Variants in OSBPL3 observed in about 807,000 individuals in gnomAD.
The protein encoded by OSBPL3 is oxysterol-binding protein-related protein 3.
OSBPL3 carries 65 observed loss-of-function variants against 120.1 expected under a neutral mutation model. That is an observed-to-expected ratio of 0.54 (90% CI 0.44 to 0.67). The LOEUF (loss-of-function observed/expected upper bound fraction) is 0.67, where lower values mean the gene tolerates loss of function less well. OSBPL3 is among the 30% of genes least tolerant of loss of function. The pLI, the probability that OSBPL3 is intolerant of heterozygous loss-of-function variation, is 0.00. For missense variants in OSBPL3, 1,004 were observed against 1,082.1 expected (o/e 0.93, Z 1.01); for synonymous variants, 416 against 402.6 (o/e 1.03, Z -0.40).
intron 1 of OSBPL3, among the ~76,000 whole-genome samples, chr7:24,923,633 T>C (rs1810681890): frequency 6.6e-6 from 1 of 151,332 alleles, no homozygotes; most frequent in African/African-American, 2.4e-5. Flanking sequence ...AAATACAGAG[T>C]GTGAGGCACA....
chr7:24,940,828 T>TTTTG lies in OSBPL3; in HGVS notation c.-150+39057_-150+39058insCAAA, dbSNP rs1554412107. On this transcript the variant is annotated intron_variant, in intron 1 of 22. Coordinates refer to ENST00000313367, the MANE Select transcript of OSBPL3 (RefSeq NM_015550.4). This position sits in a 1 kb window ranked among gnomAD's most constrained non-coding sequence, Gnocchi z 4.4. The stretch of plus-strand genomic sequence containing the variant: ...TTCTTCCTTTTTTTTCTTTTTTTTT[T>TTTTG]TGTGTGTGTGTGACGGAGTCTCGCT... 1.3e-5 allele frequency among the ~76,000 whole-genome samples: 2 copies of TTTTG among 150,972 alleles called. No homozygotes were observed. Among genetic ancestry groups the TTTTG allele is most frequent in the African/African-American group, 2.4e-5 (1 of 41,126 alleles).
rs1389821196 is a variant in OSBPL3, at chr7:24,830,688, G to C, written c.1884+80C>G. On this transcript the variant is annotated intron_variant, in intron 16 of 22. Coordinates refer to ENST00000313367, the MANE Select transcript of OSBPL3 (RefSeq NM_015550.4). The surrounding 1 kb of genome is among the most constrained non-coding windows in gnomAD (Gnocchi z 4.4). ...GCTGCTTTGAAGCCAGTGAAAGGTG[G>C]AAGATAAATATTTCAGAAGCACATT... 4.6e-6 allele frequency: 6 copies of C among 1,309,748 alleles called. No homozygotes were observed. Among genetic ancestry groups the C allele is most frequent in the South Asian group, 1.4e-5 (1 of 70,550 alleles). The allele number at this position is 1,309,748 out of a possible 1,614,324, so 81.1% of individuals were successfully genotyped here. A position where few individuals can be genotyped will look rare whatever the true frequency, so the allele number is the denominator to read the frequency against.
At chr7:24,977,890 C>G (rs1817766556) in intron 1 of OSBPL3, among the ~76,000 whole-genome samples, 1 of 152,222 alleles carries the variant, frequency 6.6e-6, no homozygotes, top group African/African-American at 2.4e-5. Context: ...TTACAGCTTA[C>G]TGCAGCCTGG....
upstream of OSBPL3, among the ~76,000 whole-genome samples, chr7:24,981,125 A>C (rs1244916837): frequency 1.3e-5 from 2 of 152,172 alleles, no homozygotes; most frequent in East Asian, 1.9e-4. The surrounding 1 kb of genome is among the most constrained non-coding windows in gnomAD (Gnocchi z 7.3). Context: ...TTTTTGTGGA[A>C]AGACAGACAA....
intron 6 of OSBPL3, among the ~76,000 whole-genome samples, 198 bp downstream of exon 6, chr7:24,865,872 C>G (rs1035900227): frequency 6.6e-6 from 1 of 152,022 alleles, no homozygotes; most frequent in Non-Finnish European, 1.5e-5. Context: ...AGTCACTGTC[C>G]GCCCCCGCCC....
At position 24,877,726 on chromosome 7, in the gene OSBPL3, G is replaced by A. The variant is rs902941060; in HGVS notation, c.97-5657C>T. Among the ~76,000 whole-genome samples the A allele has an allele frequency of 1.3e-5, 2 of 152,150 alleles. No individual in the cohort carries two copies. The highest frequency in any genetic ancestry group is 4.1e-4 in the South Asian group (2 of 4,826). ...ACTCAGGACAGAAAACAAGAGGGAT[G>A]TTGGTTTCTCTTGGCTAAAGGAACC... On this transcript the variant is annotated intron_variant, in intron 2 of 22. Coordinates refer to ENST00000313367, the MANE Select transcript of OSBPL3 (RefSeq NM_015550.4). The surrounding 1 kb of genome is among the most constrained non-coding windows in gnomAD (Gnocchi z 4.8).
rs185040853 is a variant in OSBPL3, at chr7:24,946,956, C to A, written c.-150+32930G>T. On this transcript the variant is annotated intron_variant, in intron 1 of 22. Coordinates refer to ENST00000313367, the MANE Select transcript of OSBPL3 (RefSeq NM_015550.4). The surrounding 1 kb of genome is among the most constrained non-coding windows in gnomAD (Gnocchi z 4.3). ...ATAAAGGTTTGCTGTTTGGCTTGTG[C>A]TCAAAACGAAAAGGATAAGCATTAT... Among the ~76,000 whole-genome samples the A allele has an allele frequency of 5.3e-5, 8 of 152,190 alleles. No homozygotes were observed. Among genetic ancestry groups the A allele is most frequent in the Non-Finnish European group, 1.2e-4 (8 of 68,026 alleles).
rs1471882756 is a variant in OSBPL3, at chr7:24,806,695, T to G, written c.2444+81A>C. 1.5e-6 allele frequency: 2 copies of G among 1,321,144 alleles called. No homozygotes were observed. The highest frequency in any genetic ancestry group is 2.1e-6 in the Non-Finnish European group (2 of 953,880). The allele number at this position is 1,321,144 out of a possible 1,614,324, so 81.8% of individuals were successfully genotyped here. ...ATTTTCCACCTTTCTCAGGTGCCTC[T>G]GGTGGCCTAAGGATTGTTAATAAGA... On this transcript the variant is annotated intron_variant, in intron 21 of 22. Coordinates refer to ENST00000313367, the MANE Select transcript of OSBPL3 (RefSeq NM_015550.4). This position sits in a 1 kb window ranked among gnomAD's most constrained non-coding sequence, Gnocchi z 5.2.
At chr7:24,919,706 T>C (rs905705427) in intron 1 of OSBPL3, among the ~76,000 whole-genome samples, 2 of 150,756 alleles carry the variant, frequency 1.3e-5, no homozygotes, top group Non-Finnish European at 3.0e-5. Context: ...CAAAGGGCAA[T>C]ATCAAGAAAA....
rs1813683819 is a variant in OSBPL3 at position 24,946,029 on chromosome 7, C to T, written c.-150+33857G>A. On this transcript the variant is annotated intron_variant, in intron 1 of 22. Transcript: ENST00000313367. This position sits in a 1 kb window ranked among gnomAD's most constrained non-coding sequence, Gnocchi z 4.3. The stretch of plus-strand genomic sequence containing the variant: ...CTCTCATTTGATGGCAATCAGATGC[C>T]AGGTGGGGCTGGAGCTAGGTGGGGC... 6.6e-6 allele frequency among the ~76,000 whole-genome samples: 1 copy of T among 152,118 alleles called. No individual in the cohort carries two copies. The highest frequency in any genetic ancestry group is 2.4e-5 in the African/African-American group (1 of 41,426).
intron 20 of OSBPL3, among the ~76,000 whole-genome samples, chr7:24,807,477 G>C (rs891436879): frequency 6.6e-5 from 10 of 151,734 alleles, no homozygotes; most frequent in African/African-American, 2.4e-4. Context: ...TGGGCGACAA[G>C]AGCGAAACTC....
Position 24,806,970 on chromosome 7 carries a change from CT to C in OSBPL3, c.2318-69del. On this transcript the variant is annotated intron_variant, in intron 20 of 22. Transcript: ENST00000313367. This position sits in a 1 kb window ranked among gnomAD's most constrained non-coding sequence, Gnocchi z 5.2. ...TTATGTTACATTTTAATTCCTTCAC[CT>C]TTTTCGTCTCAGCCTAGCTACAATT... 4.2e-6 allele frequency: 6 copies of C among 1,416,182 alleles called. No homozygotes were observed. The highest frequency in any genetic ancestry group is 4.8e-6 in the Non-Finnish European group (5 of 1,046,038). The allele number at this position is 1,416,182 out of a possible 1,614,324, so 87.7% of individuals were successfully genotyped here. A position where few individuals can be genotyped will look rare whatever the true frequency, so the allele number is the denominator to read the frequency against.
chr7:24,830,619 A>T lies in OSBPL3; in HGVS notation c.1884+149T>A, dbSNP rs1032847448. The T allele has an allele frequency of 1.5e-5, 12 of 797,016 alleles. No homozygotes were observed. The African/African-American group carries it at 2.1e-4, about 14-fold the overall frequency. 49.4% of individuals were successfully genotyped at this position (797,016 alleles called of 1,614,324 possible). A position where few individuals can be genotyped will look rare whatever the true frequency, so the allele number is the denominator to read the frequency against. On this transcript the variant is annotated intron_variant, in intron 16 of 22. Transcript: ENST00000313367. The surrounding 1 kb of genome is among the most constrained non-coding windows in gnomAD (Gnocchi z 4.4). Reference sequence around the variant, plus strand: ...GGTGGCTTGGCTTCAGTGGAAGGGAAATCGATCCCTCCCTTTATGTTGAAA... The same window carrying T: ...GGTGGCTTGGCTTCAGTGGAAGGGATATCGATCCCTCCCTTTATGTTGAAA...
chr7:24,800,954 T>A (rs1584152674), intron 22 of OSBPL3, among the ~76,000 whole-genome samples: 1 of 149,882 alleles, frequency 6.7e-6, no homozygotes, highest in African/African-American at 2.5e-5. Flanking sequence ...TTTTTTTTTT[T>A]AAAGGAGGCC....
At chr7:24,864,595 C>T (rs1002526301) in intron 7 of OSBPL3, among the ~76,000 whole-genome samples, 23 of 152,156 alleles carry the variant, frequency 1.5e-4, no homozygotes, top group African/African-American at 5.6e-4. Context: ...TCAAGGCTGC[C>T]ACCTGGTATC....
chr7:24,949,486 G>A (rs1455598296), intron 1 of OSBPL3, among the ~76,000 whole-genome samples: 3 of 152,304 alleles, frequency 2.0e-5, no homozygotes, highest in African/African-American at 7.2e-5. Context: ...TAGCTGAACT[G>A]TATATAATCA....
At chr7:24,908,219 C>T (rs1808236495) in intron 1 of OSBPL3, among the ~76,000 whole-genome samples, 1 of 152,096 alleles carries the variant, frequency 6.6e-6, no homozygotes, top group South Asian at 2.1e-4. Context: ...TTAATGCTTC[C>T]TTGTTGGCTC....
In OSBPL3 at chr7:24,863,233, T is replaced by C; in HGVS notation, c.837A>G (p.Arg279=). 1 of 1,614,140 alleles carries C rather than the reference T, an allele frequency of 6.2e-7. No homozygotes were observed. ...EKRSHRRWRS[R]AIGKDAKGTL... ...TTCCTTTAGCATCTTTGCCAATAGC[T>C]CTGGACCGCCACCTCCTGTGCGATC... is the stretch of plus-strand genomic sequence containing the variant. The change falls in exon 9 of 23, where the codon AGA becomes AGG. Residue 279 remains arginine, a synonymous_variant. Transcript: ENST00000313367. The surrounding 1 kb of genome is among the most constrained non-coding windows in gnomAD (Gnocchi z 5.8).
chr7:24,804,559 CCG>C lies in OSBPL3; in HGVS notation c.2445-124_2445-123del. 1 of 800,248 alleles carries C rather than the reference CCG, an allele frequency of 1.2e-6. No homozygotes were observed. The highest frequency in any genetic ancestry group is 2.0e-6 in the Non-Finnish European group (1 of 509,932). 49.6% of individuals were successfully genotyped at this position (800,248 alleles called of 1,614,324 possible). The stretch of plus-strand genomic sequence containing the variant: ...AAAATCCTCTCCTATACGTAAGACC[CCG>C]CCCCAACCGTTTAATCCGTATCTTG... On this transcript the variant is annotated intron_variant, in intron 21 of 22. Coordinates refer to ENST00000313367, the MANE Select transcript of OSBPL3 (RefSeq NM_015550.4). The surrounding 1 kb of genome is among the most constrained non-coding windows in gnomAD (Gnocchi z 5.4).
Sources: allele counts gnomAD v4.1 joint callset (sites outside exome capture counted in the v4.1 genomes callset), GRCh38; gene constraint gnomAD v4.1.1; non-coding constraint Gnocchi (gnomAD v3.1); transcripts MANE v1.5; gene names NCBI Gene and HGNC (gene_info 2026-07-23, HGNC 2026-07-21).